DDX10: variants seen among roughly 807,000 people sequenced by gnomAD.
DDX10 encodes probable ATP-dependent RNA helicase DDX10.
In DDX10, 74 loss-of-function variants were observed where a neutral mutation model predicts 104.3. The ratio of observed to expected loss-of-function variants is 0.71; its 90% CI spans 0.59 to 0.86. The LOEUF (loss-of-function observed/expected upper bound fraction) is 0.86. Ranked by LOEUF, DDX10 falls within the 40% of genes least tolerant of loss-of-function variation. The probability of loss-of-function intolerance (pLI) is 0.00; values close to 1 mark genes in which losing one functional copy is unlikely to be tolerated. For missense variants in DDX10, 952 were observed against 1,040.0 expected, an observed-to-expected ratio of 0.92 and a Z score of 1.16; for synonymous variants, 351 against 353.4, an observed-to-expected ratio of 0.99 and a Z score of 0.08.
At position 108,838,658 on chromosome 11, in the gene DDX10, A is replaced by G. The variant is rs974827119; in HGVS notation, c.2085+93A>G. On this transcript the variant is annotated intron_variant, in intron 14 of 17. Coordinates refer to ENST00000322536, the MANE Select transcript of DDX10 (RefSeq NM_004398.4). The stretch of plus-strand genomic sequence containing the variant: ...ACTTAGCACTCATTAATGATAGAGT[A>G]AATGTTTCTCTACAGCATGCTGGGC... 7 of 1,387,634 alleles carry G rather than the reference A, an allele frequency of 5.0e-6. No homozygotes were observed. In the African/African-American group the frequency reaches 8.7e-5, roughly 17 times the overall value. The allele number at this position is 1,387,634 out of a possible 1,614,324, so 86.0% of individuals were successfully genotyped here.
intron 16 of DDX10, among the ~76,000 whole-genome samples, chr11:108,902,499 T>G (rs571073935): frequency 1.4e-4 from 22 of 152,310 alleles, no homozygotes; most frequent in African/African-American, 5.3e-4. Flanking sequence ...ATTTGGCCCC[T>G]TTAAATCTCA....
At chr11:108,700,574 A>G (rs114624379) in intron 9 of DDX10, among the ~76,000 whole-genome samples, 1,778 of 152,334 alleles carry the variant, frequency 0.012, 38 homozygotes, top group African/African-American at 0.041. Context: ...ATTTGTGGTC[A>G]TGAAGACGAA....
intron 9 of DDX10, among the ~76,000 whole-genome samples, chr11:108,696,205 G>T (rs981530370): frequency 6.6e-6 from 1 of 151,900 alleles, no homozygotes; most frequent in Non-Finnish European, 1.5e-5. Flanking sequence ...GAGACAGAGT[G>T]TCGCTCTGTC....
chr11:108,908,457 A>G (rs971028388), intron 16 of DDX10, among the ~76,000 whole-genome samples: 2 of 152,232 alleles, frequency 1.3e-5, no homozygotes, highest in Non-Finnish European at 2.9e-5. Context: ...GAAGACTTTA[A>G]GTCCTAAATG....
chr11:108,689,204 A>G (rs1354556278), intron 7 of DDX10, 142 bp downstream of exon 7: 1 of 824,532 alleles, frequency 1.2e-6, no homozygotes, highest in Non-Finnish European at 1.9e-6. Flanking sequence ...GTTGCAAAGG[A>G]ATCCGTGGCT....
chr11:108,708,571 A>ATTT (rs202129373), intron 10 of DDX10, among the ~76,000 whole-genome samples: 7 of 143,416 alleles, frequency 4.9e-5, no homozygotes, highest in East Asian at 2.0e-4. Flanking sequence ...TGTTCATAGT[A>ATTT]TTTTTTTTTT....
Position 108,723,202 on chromosome 11 carries a change from A to G in DDX10, c.1705A>G (p.Thr569Ala), listed in dbSNP as rs754661695. The change falls in exon 13 of 18, where the codon ACA becomes GCA. Residue 569 changes from threonine to alanine, a missense_variant. Physicochemically the swap from Thr to Ala is moderately conservative, Grantham distance 58. Coordinates refer to ENST00000322536, the MANE Select transcript of DDX10 (RefSeq NM_004398.4). Reference sequence around the variant, plus strand: ...AAAAGGTGGAAAAAGACTCGAAGGGACAGAGCACAGACAGGATAATGATAC... The same window carrying G: ...AAAAGGTGGAAAAAGACTCGAAGGGGCAGAGCACAGACAGGATAATGATAC... ...LQKGGKRLEG[T>A]EHRQDNDTGN... is the part of the protein sequence containing the mutation. The G allele has an allele frequency of 3.1e-6, 5 of 1,613,688 alleles. No homozygotes were observed. The highest frequency in any genetic ancestry group is 1.7e-5 in the Admixed American group (1 of 59,934).
rs1011658438 is a variant in DDX10 at position 108,822,325 on chromosome 11, G to A, written c.1966-16121G>A. The A allele has an allele frequency of 4.2e-5, 14 of 333,206 alleles. 1 individual carries two copies. The highest frequency in any genetic ancestry group is 2.2e-4 in the African/African-American group (10 of 45,952). 20.6% of individuals were successfully genotyped at this position (333,206 alleles called of 1,614,324 possible). A position where few individuals can be genotyped will look rare whatever the true frequency, so the allele number is the denominator to read the frequency against. On this transcript the variant is annotated intron_variant, in intron 13 of 17. Transcript: ENST00000322536. Reference sequence around the variant, plus strand: ...CTGTTTTGTAATAAATAAGGCAGTGGCCAGTTATTACTGATGAGTAGCGTT... The same window carrying A: ...CTGTTTTGTAATAAATAAGGCAGTGACCAGTTATTACTGATGAGTAGCGTT...
intron 17 of DDX10, among the ~76,000 whole-genome samples, chr11:108,937,411 G>GTTT (rs1462451880): frequency 2.0e-5 from 3 of 152,012 alleles, no homozygotes; most frequent in Non-Finnish European, 4.4e-5. Context: ...TTGATGTTTG[G>GTTT]GGTTTCAGAA....
At chr11:108,831,322 T>G (rs982589828) in intron 13 of DDX10, among the ~76,000 whole-genome samples, 3 of 148,678 alleles carry the variant, frequency 2.0e-5, no homozygotes, top group Non-Finnish European at 4.4e-5. Context: ...GAGAATCGCT[T>G]GAACCCAGGA....
intron 13 of DDX10, among the ~76,000 whole-genome samples, chr11:108,780,715 T>TCC (rs1411205188): frequency 1.3e-5 from 2 of 152,178 alleles, no homozygotes; most frequent in Non-Finnish European, 2.9e-5. Flanking sequence ...GATGCTTAGG[T>TCC]TATATTGTTG....
chr11:108,845,139 C>T (rs907600575), intron 15 of DDX10, among the ~76,000 whole-genome samples: 6 of 152,084 alleles, frequency 3.9e-5, no homozygotes, highest in African/African-American at 7.2e-5. Flanking sequence ...ACCCGGGAGG[C>T]GGAGCTTGCA....
intron 1 of DDX10, among the ~76,000 whole-genome samples, chr11:108,672,707 C>T (rs1282419932): frequency 6.6e-6 from 1 of 152,192 alleles, no homozygotes; most frequent in African/African-American, 2.4e-5. Flanking sequence ...TATAATTTGG[C>T]AGCATATTTC....
At chr11:108,761,768 T>C (rs1309306997) in intron 13 of DDX10, among the ~76,000 whole-genome samples, 1 of 152,160 alleles carries the variant, frequency 6.6e-6, no homozygotes, top group Non-Finnish European at 1.5e-5. Context: ...AGAAAGTATC[T>C]TGTAAGAAGT....
intron 16 of DDX10, among the ~76,000 whole-genome samples, chr11:108,884,708 A>G (rs1340689602): frequency 2.0e-5 from 3 of 152,090 alleles, no homozygotes; most frequent in Non-Finnish European, 2.9e-5. Flanking sequence ...TCAGTTATCT[A>G]ATGTTTTGTT....
intron 13 of DDX10, among the ~76,000 whole-genome samples, chr11:108,744,519 T>G (rs1478659602): frequency 6.6e-6 from 1 of 152,198 alleles, no homozygotes; most frequent in East Asian, 1.9e-4. Context: ...TTAAAAATAC[T>G]ATTGAGCCTT....
chr11:108,875,749 C>T (rs1042247507), intron 16 of DDX10, among the ~76,000 whole-genome samples: 2 of 152,268 alleles, frequency 1.3e-5, no homozygotes, highest in South Asian at 4.2e-4. Context: ...TTTCACGTTT[C>T]GCGGTCCTGT....
chr11:108,761,225 T>G (rs942634820), intron 13 of DDX10, among the ~76,000 whole-genome samples: 1 of 152,116 alleles, frequency 6.6e-6, no homozygotes, highest in Non-Finnish European at 1.5e-5. Flanking sequence ...TGAGCGGATC[T>G]TTTTCAACTC....
At chr11:108,750,926 CTTTTTTTTT>C (rs10582729) in intron 13 of DDX10, among the ~76,000 whole-genome samples, 108 of 24,232 alleles carry the variant, frequency 4.5e-3, no homozygotes, top group African/African-American at 9.7e-3. Flanking sequence ...CACCTGGTTA[CTTTTTTTTT>C]TTTTTTTTTT....
Sources: gnomAD v4.1 joint callset for allele counts (sites outside exome capture counted in the v4.1 genomes callset) on GRCh38, gnomAD v4.1.1 for gene constraint, MANE v1.5 for transcripts, NCBI Gene and HGNC (gene_info 2026-07-23, HGNC 2026-07-21) for gene names.